Variants in DOK6 observed in about 807,000 individuals in gnomAD.
DOK6 encodes docking protein 6.
Under a neutral mutation model 44.0 loss-of-function variants are expected in DOK6, and 22 were observed. The ratio of observed to expected loss-of-function variants is 0.50; its 90% CI spans 0.36 to 0.71. The LOEUF is 0.71. Among genes scored for constraint, DOK6 ranks in the 30% least tolerant of loss-of-function variants. The pLI, the probability that DOK6 is intolerant of heterozygous loss-of-function variation, is 0.00. For synonymous variants in DOK6, 166 were observed against 145.5 expected, an observed-to-expected ratio of 1.14 and a Z score of -1.01; for missense variants, 340 against 416.4, an observed-to-expected ratio of 0.82 and a Z score of 1.60.
chr18:69,473,012 T>A (rs1456121639), intron 1 of DOK6, among the ~76,000 whole-genome samples: 1 of 152,266 alleles, frequency 6.6e-6, no homozygotes, highest in African/African-American at 2.4e-5. Context: ...TGCTAATATG[T>A]AAGTTAGAGA....
At chr18:69,554,147 G>A (rs541117515) in intron 1 of DOK6, among the ~76,000 whole-genome samples, 1 of 152,270 alleles carries the variant, frequency 6.6e-6, no homozygotes, top group East Asian at 1.9e-4. Flanking sequence ...TAGAGAAAAT[G>A]ACACAACTGG....
chr18:69,568,155 C>A (rs1983030802), intron 2 of DOK6, among the ~76,000 whole-genome samples: 1 of 152,222 alleles, frequency 6.6e-6, no homozygotes, highest in Non-Finnish European at 1.5e-5. Flanking sequence ...AACACATTTG[C>A]AGAGACCACT....
chr18:69,512,803 G>C (rs1029491880), intron 1 of DOK6, among the ~76,000 whole-genome samples: 14 of 152,114 alleles, frequency 9.2e-5, no homozygotes, highest in African/African-American at 3.4e-4. Flanking sequence ...TTAGATAATT[G>C]AGAATTGGTT....
At chr18:69,435,025 G>GGGAAGGAAGGATGGAC (rs1978926486) in intron 1 of DOK6, among the ~76,000 whole-genome samples, 1 of 72,266 alleles carries the variant, frequency 1.4e-5, no homozygotes, top group Non-Finnish European at 2.7e-5. Context: ...TAGGGAGGGA[G>GGGAAGGAAGGATGGAC]GGAAGGAAGG....
intron 3 of DOK6, among the ~76,000 whole-genome samples, chr18:69,612,246 C>A (rs1030324331): frequency 6.7e-6 from 1 of 149,810 alleles, no homozygotes; most frequent in Admixed American, 6.6e-5. Flanking sequence ...AAGACAGTTG[C>A]GGAAAAAATT....
At chr18:69,643,990 C>T (rs1985008340) in intron 3 of DOK6, among the ~76,000 whole-genome samples, 1 of 152,132 alleles carries the variant, frequency 6.6e-6, no homozygotes, top group Non-Finnish European at 1.5e-5. Flanking sequence ...GCTTATCTTT[C>T]CTTGGTGATA....
At chr18:69,786,475 T>C (rs532847139) in intron 7 of DOK6, among the ~76,000 whole-genome samples, 13 of 152,280 alleles carry the variant, frequency 8.5e-5, no homozygotes, top group Admixed American at 3.9e-4. Flanking sequence ...TGATGTAGAG[T>C]TGAAATAACG....
At chr18:69,676,322 TGATA>T (rs1339579531) in intron 3 of DOK6, among the ~76,000 whole-genome samples, 1 of 152,228 alleles carries the variant, frequency 6.6e-6, no homozygotes, top group African/African-American at 2.4e-5. Flanking sequence ...TAAAAATAAA[TGATA>T]AATTTGTCTT....
chr18:69,474,208 C>T (rs1980198335), intron 1 of DOK6, among the ~76,000 whole-genome samples: 1 of 152,084 alleles, frequency 6.6e-6, no homozygotes, highest in Non-Finnish European at 1.5e-5. Flanking sequence ...CACTCTCTCT[C>T]TGGTTTTTGC....
chr18:69,651,214 A>C (rs1985216950), intron 3 of DOK6, among the ~76,000 whole-genome samples: 1 of 152,062 alleles, frequency 6.6e-6, no homozygotes, highest in Non-Finnish European at 1.5e-5. Context: ...TAATGTCAAT[A>C]CCTCCACCTA....
intron 5 of DOK6, among the ~76,000 whole-genome samples, chr18:69,719,283 G>C (rs1349147751): frequency 6.6e-6 from 1 of 152,192 alleles, no homozygotes; most frequent in Non-Finnish European, 1.5e-5. Flanking sequence ...TATTGAAACT[G>C]TCTTCATGCA....
chr18:69,673,360 C>T (rs1015853474), intron 3 of DOK6, among the ~76,000 whole-genome samples: 2 of 152,158 alleles, frequency 1.3e-5, no homozygotes, highest in African/African-American at 2.4e-5. Flanking sequence ...AATCTAATTA[C>T]TTAGTCAATA....
intron 1 of DOK6, among the ~76,000 whole-genome samples, chr18:69,532,518 C>T (rs1448146318): frequency 6.6e-6 from 1 of 152,148 alleles, no homozygotes; most frequent in Non-Finnish European, 1.5e-5. Flanking sequence ...TTCTAAATAA[C>T]TTGGGTAATA....
chr18:69,659,236 A>G (rs1985446514), intron 3 of DOK6, among the ~76,000 whole-genome samples: 1 of 152,234 alleles, frequency 6.6e-6, no homozygotes, highest in Non-Finnish European at 1.5e-5. Context: ...TGTTCAGAAG[A>G]AACAAGCAGC....
At chr18:69,462,387 T>C (rs188382672) in intron 1 of DOK6, among the ~76,000 whole-genome samples, 5 of 151,960 alleles carry the variant, frequency 3.3e-5, no homozygotes, top group Admixed American at 2.6e-4. Context: ...TATGTGTGTG[T>C]CTGTGTGTAT....
intron 3 of DOK6, among the ~76,000 whole-genome samples, chr18:69,609,535 A>C (rs1030543439): frequency 2.1e-5 from 3 of 144,190 alleles, no homozygotes; most frequent in Non-Finnish European, 4.7e-5. Flanking sequence ...AAGTGTCGGC[A>C]AAGATGTGGA....
intron 4 of DOK6, among the ~76,000 whole-genome samples, chr18:69,690,951 C>T (rs1173904088): frequency 6.6e-6 from 1 of 152,020 alleles, no homozygotes; most frequent in African/African-American, 2.4e-5. Flanking sequence ...GAGGCCGAGA[C>T]AGGAAGATCA....
intron 7 of DOK6, among the ~76,000 whole-genome samples, chr18:69,797,823 A>C (rs781125283): frequency 1.3e-5 from 2 of 152,134 alleles, no homozygotes; most frequent in Non-Finnish European, 2.9e-5. Context: ...ATCAAATATT[A>C]AGGCAGGCAG....
intron 7 of DOK6, among the ~76,000 whole-genome samples, chr18:69,800,018 C>T (rs1008746397): frequency 2.0e-5 from 3 of 152,056 alleles, no homozygotes; most frequent in South Asian, 2.1e-4. Flanking sequence ...AGGAAAGAAA[C>T]ATTTGCAGTT....
Sources: gnomAD v4.1 joint callset for allele counts (sites outside exome capture counted in the v4.1 genomes callset) on GRCh38, gnomAD v4.1.1 for gene constraint, MANE v1.5 for transcripts, NCBI Gene and HGNC (gene_info 2026-07-23, HGNC 2026-07-21) for gene names.